EPHX4: variants seen among roughly 807,000 people sequenced by gnomAD.
EPHX4 encodes the protein epoxide hydrolase 4.
Under a neutral mutation model 44.9 loss-of-function variants are expected in EPHX4, and 31 were observed. The ratio of observed to expected loss-of-function variants is 0.69; its 90% CI spans 0.52 to 0.93. EPHX4 has a LOEUF of 0.93. EPHX4 is among the 40% of genes least tolerant of loss of function. EPHX4 has a pLI of 0.00. For synonymous variants in EPHX4, 151 were observed against 159.7 expected (o/e 0.95, Z 0.41); for missense variants, 373 against 438.1 (o/e 0.85, Z 1.33).
At chr1:92,032,464 C>T (rs1688375769) in intron 1 of EPHX4, 41 bp from the exon 2 acceptor site, 2 of 1,444,506 alleles carry the variant, frequency 1.4e-6, no homozygotes, top group Admixed American at 3.5e-5. Flanking sequence ...CTTTGTCAAT[C>T]AACACAAACA....
intron 6 of EPHX4, 128 bp from the exon 7 acceptor site, chr1:92,062,927 A>G (rs762354354): frequency 4.9e-5 from 37 of 748,076 alleles, no homozygotes; most frequent in Non-Finnish European, 7.5e-5. Context: ...CCTCCCAAGA[A>G]CACAATTTTC....
chr1:92,032,474 A>T (rs373388269), intron 1 of EPHX4, 31 bp from the exon 2 acceptor site: 75 of 1,530,844 alleles, frequency 4.9e-5, no homozygotes, highest in Non-Finnish European at 6.1e-5. Flanking sequence ...CAACACAAAC[A>T]TCACTAAAAT....
At chr1:92,042,724 C>CA (rs66834073) in intron 2 of EPHX4, 99 bp from the exon 3 acceptor site, 189,523 of 686,682 alleles carry the variant, frequency 0.28, 6,809 homozygotes, top group Non-Finnish European at 0.29. Flanking sequence ...AACTCTGTCT[C>CA]AAAAAAAAAA....
chr1:92,045,482 C>CA, intron 3 of EPHX4, 50 bp from the exon 4 acceptor site: 1 of 1,604,484 alleles, frequency 6.2e-7, no homozygotes, highest in Non-Finnish European at 8.5e-7. Flanking sequence ...GGTAACAGTG[C>CA]ACCCACCTGT....
In EPHX4 at chr1:92,030,021, CT is replaced by C. The variant is rs1688329353; in HGVS notation, c.-58del. ...GGCGACGGCGGGCTGGCCTGGCGCG[CT>C]GCGGCGCTCGCTCACCCGCTCCCGA... is the stretch of plus-strand genomic sequence containing the variant. On this transcript the variant is annotated 5_prime_UTR_variant, in exon 1 of 7. Transcript: ENST00000370383. The C allele has an allele frequency of 1.5e-6, 2 of 1,320,246 alleles. No homozygotes were observed. The highest frequency in any genetic ancestry group is 3.1e-5 in the African/African-American group (2 of 64,550). 81.8% of individuals were successfully genotyped at this position (1,320,246 alleles called of 1,614,324 possible). A position where few individuals can be genotyped will look rare whatever the true frequency, so the allele number is the denominator to read the frequency against.
chr1:92,032,830 T>C (rs1466825296), intron 2 of EPHX4, among the ~76,000 whole-genome samples: 1 of 152,144 alleles, frequency 6.6e-6, no homozygotes, highest in Non-Finnish European at 1.5e-5. Context: ...GGGGCCGAAA[T>C]TGCCCTTTCA....
intron 2 of EPHX4, among the ~76,000 whole-genome samples, chr1:92,039,316 G>C (rs1191569535): frequency 6.6e-6 from 1 of 152,210 alleles, no homozygotes; most frequent in Non-Finnish European, 1.5e-5. Context: ...GACACACTTA[G>C]ACCAAGCAAT....
intron 2 of EPHX4, among the ~76,000 whole-genome samples, chr1:92,037,107 T>C (rs923438441): frequency 6.6e-6 from 1 of 152,218 alleles, no homozygotes; most frequent in Non-Finnish European, 1.5e-5. Context: ...ACATTACAAA[T>C]GTAAATGTTA....
At chr1:92,050,860 T>C (rs1647237687) in intron 5 of EPHX4, among the ~76,000 whole-genome samples, 1 of 152,210 alleles carries the variant, frequency 6.6e-6, no homozygotes, top group Admixed American at 6.5e-5. Flanking sequence ...TTTTGCTTTG[T>C]TTTTGAGACA....
chr1:92,043,253 T>A (rs544108959), intron 3 of EPHX4: 10 of 223,444 alleles, frequency 4.5e-5, no homozygotes, highest in African/African-American at 2.3e-4. Flanking sequence ...GGCTTGCGCC[T>A]ATAATCCCAG....
Position 92,030,001 on chromosome 1 carries a change from C to T in EPHX4, c.-79C>T, listed in dbSNP as rs567715762. On this transcript the variant is annotated 5_prime_UTR_variant, in exon 1 of 7. In the 5' UTR this introduces an upstream ATG that the reference lacks. Transcript: ENST00000370383. ...GGGGGAGGCGCGCGTCGAGAGGCGA[C>T]GGCGGGCTGGCCTGGCGCGCTGCGG... The T allele has an allele frequency of 8.7e-6, 9 of 1,038,380 alleles. No individual in the cohort carries two copies. The East Asian group carries it at 3.0e-4, about 35-fold the overall frequency. The allele number at this position is 1,038,380 out of a possible 1,614,324, so 64.3% of individuals were successfully genotyped here.
chr1:92,051,340 G>A (rs1363579090), intron 5 of EPHX4, among the ~76,000 whole-genome samples: 1 of 151,206 alleles, frequency 6.6e-6, no homozygotes, highest in Non-Finnish European at 1.5e-5. Context: ...TTCATTAACT[G>A]TCATAACTGT....
chr1:92,048,536 A>C (rs1479510714), intron 4 of EPHX4, among the ~76,000 whole-genome samples: 1 of 152,192 alleles, frequency 6.6e-6, no homozygotes, highest in African/African-American at 2.4e-5. Context: ...GGGTGAATAA[A>C]TCTTGTTAAA....
chr1:92,041,401 A>T (rs1333487294), intron 2 of EPHX4, among the ~76,000 whole-genome samples: 1 of 152,200 alleles, frequency 6.6e-6, no homozygotes, highest in East Asian at 1.9e-4. Flanking sequence ...TTCACCCATA[A>T]ATAAGCTGTG....
chr1:92,047,244 A>C (rs2101871572), intron 4 of EPHX4, among the ~76,000 whole-genome samples: 1 of 152,312 alleles, frequency 6.6e-6, no homozygotes, highest in Non-Finnish European at 1.5e-5. Flanking sequence ...GTTACATTTA[A>C]AAATGCAGCA....
At chr1:92,031,732 T>G (rs1688365187) in intron 1 of EPHX4, among the ~76,000 whole-genome samples, 1 of 152,224 alleles carries the variant, frequency 6.6e-6, no homozygotes, top group African/African-American at 2.4e-5. Context: ...AGATTTTTAT[T>G]CCTGCTGTTC....
chr1:92,043,952 G>A (rs141706764), intron 3 of EPHX4, among the ~76,000 whole-genome samples: 152 of 152,336 alleles, frequency 1.0e-3, no homozygotes, highest in African/African-American at 3.4e-3. Context: ...TAGCCACCAC[G>A]AGACCAAAGC....
At chr1:92,055,995 G>C (rs1647358585) in intron 6 of EPHX4, among the ~76,000 whole-genome samples, 1 of 152,092 alleles carries the variant, frequency 6.6e-6, no homozygotes, top group African/African-American at 2.4e-5. Flanking sequence ...AGCAGAGAGA[G>C]AGAGAGAGAG....
intron 4 of EPHX4, among the ~76,000 whole-genome samples, chr1:92,046,421 C>T (rs886253842): frequency 6.6e-6 from 1 of 152,128 alleles, no homozygotes; most frequent in Non-Finnish European, 1.5e-5. Flanking sequence ...GATTTTCTTT[C>T]TTAATACTAT....
Sources: allele counts gnomAD v4.1 joint callset (sites outside exome capture counted in the v4.1 genomes callset), GRCh38; gene constraint gnomAD v4.1.1; transcripts MANE v1.5; gene names NCBI Gene and HGNC (gene_info 2026-07-23, HGNC 2026-07-21).